The following ZPBP variants were observed in gnomAD, a reference collection of about 807,000 sequenced individuals.
ZPBP encodes the protein zona pellucida binding protein, also known as zona pellucida-binding protein 1.
Under a neutral mutation model 44.8 loss-of-function variants are expected in ZPBP, and 26 were observed. The ratio of observed to expected loss-of-function variants is 0.58; its 90% CI spans 0.43 to 0.81. The LOEUF is 0.81. Among genes scored for constraint, ZPBP ranks in the 30% least tolerant of loss-of-function variants. ZPBP has a pLI of 0.00. For synonymous variants in ZPBP, 174 were observed against 153.2 expected, an observed-to-expected ratio of 1.14 and a Z score of -1.00; for missense variants, 409 against 434.0, an observed-to-expected ratio of 0.94 and a Z score of 0.51.
intron 2 of ZPBP, among the ~76,000 whole-genome samples, chr7:49,878,852 G>A (rs1583739394): frequency 1.3e-5 from 2 of 152,162 alleles, no homozygotes; most frequent in East Asian, 1.9e-4. Flanking sequence ...TATGTACCAG[G>A]CGTGGCTTTT....
At chr7:49,990,666 A>C (rs937598199) in intron 6 of ZPBP, among the ~76,000 whole-genome samples, 10 of 149,284 alleles carry the variant, frequency 6.7e-5, no homozygotes, top group Non-Finnish European at 1.3e-4. Context: ...TTCAGGAAAC[A>C]AAAAAAAAAC....
intron 3 of ZPBP, among the ~76,000 whole-genome samples, chr7:50,063,328 C>T (rs1019019670): frequency 1.3e-5 from 2 of 152,108 alleles, no homozygotes; most frequent in African/African-American, 4.8e-5. Flanking sequence ...TGTTCCATTC[C>T]CCCATTTGGT....
intron 3 of ZPBP, among the ~76,000 whole-genome samples, chr7:50,063,362 T>C (rs1022071765): frequency 6.6e-6 from 1 of 152,254 alleles, no homozygotes. Flanking sequence ...AAGATGTTCA[T>C]AGAAAGCACC....
At chr7:49,904,455 T>C (rs1792967377) in intron 1 of ZPBP, among the ~76,000 whole-genome samples, 1 of 152,112 alleles carries the variant, frequency 6.6e-6, no homozygotes, top group South Asian at 2.1e-4. Flanking sequence ...AGAAAATAAA[T>C]GCACATGCAT....
chr7:49,991,530 G>A (rs539332031), intron 6 of ZPBP, among the ~76,000 whole-genome samples: 141 of 152,088 alleles, frequency 9.3e-4, no homozygotes, highest in Middle Eastern at 3.4e-3. Flanking sequence ...TTGCAATGTC[G>A]GGACAACTTC....
chr7:50,064,033 C>A (rs557457118), intron 3 of ZPBP, among the ~76,000 whole-genome samples: 1 of 152,088 alleles, frequency 6.6e-6, no homozygotes, highest in Non-Finnish European at 1.5e-5. Context: ...TATCGGGGGA[C>A]CTGCCCCGAT....
intron 5 of ZPBP, 141 bp from the exon 6 acceptor site, chr7:50,018,457 T>C (rs982284981): frequency 4.4e-6 from 3 of 677,790 alleles, no homozygotes; most frequent in Non-Finnish European, 7.2e-6. Flanking sequence ...TAAATGACTC[T>C]TCAGCAAAAA....
intron 3 of ZPBP, among the ~76,000 whole-genome samples, chr7:50,065,242 A>C (rs1801442588): frequency 1.4e-5 from 2 of 138,592 alleles, no homozygotes; most frequent in Non-Finnish European, 3.2e-5. Flanking sequence ...TTTTTAACAC[A>C]CATGCCCTCA....
At chr7:50,072,336 T>A (rs555063776) in intron 3 of ZPBP, among the ~76,000 whole-genome samples, 3 of 152,146 alleles carry the variant, frequency 2.0e-5, no homozygotes, top group East Asian at 1.9e-4. Flanking sequence ...AGCTGCAATA[T>A]AATAGAACAC....
intron 7 of ZPBP, among the ~76,000 whole-genome samples, chr7:49,949,801 G>A (rs1187320490): frequency 6.6e-6 from 1 of 151,740 alleles, no homozygotes; most frequent in Admixed American, 6.6e-5. Flanking sequence ...TTTATGTTAT[G>A]TACATTTTAC....
chr7:50,030,889 G>C (rs1265601632), intron 5 of ZPBP, among the ~76,000 whole-genome samples: 1 of 152,100 alleles, frequency 6.6e-6, no homozygotes, highest in East Asian at 1.9e-4. Flanking sequence ...AAGTTATTGA[G>C]AGAACAAACT....
At chr7:49,898,514 T>A (rs11768636) in intron 2 of ZPBP, among the ~76,000 whole-genome samples, 116,294 of 151,952 alleles carry the variant, frequency 0.77, 44,687 homozygotes, top group East Asian at 0.89. Context: ...CTTTTGAAAG[T>A]TAATTCTGCA....
the ZPBP span, among the ~76,000 whole-genome samples, chr7:49,840,735 T>A: frequency 6.6e-6 from 1 of 152,188 alleles, no homozygotes; most frequent in African/African-American, 2.4e-5. Context: ...TCTTTTATTG[T>A]TCATTTTTGT....
At chr7:49,882,598 G>A (rs1791716274) in intron 2 of ZPBP, among the ~76,000 whole-genome samples, 1 of 152,006 alleles carries the variant, frequency 6.6e-6, no homozygotes, top group African/African-American at 2.4e-5. Context: ...GAGAGACAGA[G>A]ATAGTGAGTA....
intron 7 of ZPBP, among the ~76,000 whole-genome samples, chr7:49,967,149 G>GA (rs1320860396): frequency 6.6e-6 from 1 of 152,146 alleles, no homozygotes; most frequent in African/African-American, 2.4e-5. Context: ...GAGCTCTCAT[G>GA]AGCCCAGAGG....
intron 2 of ZPBP, among the ~76,000 whole-genome samples, chr7:49,859,115 G>A (rs888437935): frequency 1.8e-4 from 27 of 152,170 alleles, no homozygotes; most frequent in Middle Eastern, 3.2e-3. Context: ...TACCTTAGAG[G>A]AGAATTTCAC....
chr7:49,993,820 C>T (rs989325459), intron 6 of ZPBP, among the ~76,000 whole-genome samples: 14 of 151,324 alleles, frequency 9.3e-5, no homozygotes, highest in African/African-American at 2.4e-4. Context: ...ATCTCATGCC[C>T]GCCACCATGG....
chr7:50,059,724 A>C (rs1651561143), intron 3 of ZPBP, among the ~76,000 whole-genome samples: 1 of 152,206 alleles, frequency 6.6e-6, no homozygotes. Flanking sequence ...GAAAGCAATT[A>C]ATAAGTGTAT....
Position 50,049,220 on chromosome 7 carries a change from G to T in ZPBP, c.487+8769C>A, listed in dbSNP as rs563174456. ...CAACACAAGCCCAAAGGTCTTCACT[G>T]ATGAATTCTACCAAACAGTTAAGAT... On this transcript the variant is annotated intron_variant, in intron 4 of 7. Coordinates refer to ENST00000046087, the MANE Select transcript of ZPBP (RefSeq NM_007009.3). 2.6e-5 allele frequency among the ~76,000 whole-genome samples: 4 copies of T among 152,052 alleles called. No individual in the cohort carries two copies. In the South Asian group the frequency reaches 8.3e-4, roughly 32 times the overall value.
Sources: allele counts gnomAD v4.1 joint callset (sites outside exome capture counted in the v4.1 genomes callset), GRCh38; gene constraint gnomAD v4.1.1; transcripts MANE v1.5; gene names NCBI Gene and HGNC (gene_info 2026-07-23, HGNC 2026-07-21).